The following LARP1B variants were observed in gnomAD, a reference collection of about 807,000 sequenced individuals.
LARP1B encodes La ribonucleoprotein 1B.
In LARP1B, 76 loss-of-function variants were observed where a neutral mutation model predicts 114.2. That is an observed-to-expected ratio of 0.67 (90% confidence interval 0.55 to 0.81). The LOEUF (loss-of-function observed/expected upper bound fraction) is 0.81. Among genes scored for constraint, LARP1B ranks in the 30% least tolerant of loss-of-function variants. LARP1B has a pLI of 0.00. For missense variants in LARP1B, 1,014 were observed against 1,075.8 expected (o/e 0.94, Z 0.80); for synonymous variants, 345 against 348.0 (o/e 0.99, Z 0.10).
In LARP1B at chr4:128,199,520, GCATCCTTCT is replaced by G; in HGVS notation, c.2089_2097del (p.Pro697_His699del). On this transcript the variant is annotated inframe_deletion, in exon 16 of 20. Coordinates refer to ENST00000326639, the MANE Select transcript of LARP1B (RefSeq NM_018078.4). ...CTCCTCATTCATTCCCAAAGTTCCA[GCATCCTTCT>G]CATGAACTTTTGAAGGAAAATGGCT... 1 of 1,603,046 alleles carries G rather than the reference GCATCCTTCT, an allele frequency of 6.2e-7. No homozygotes were observed. Among genetic ancestry groups the G allele is most frequent in the Non-Finnish European group, 8.5e-7 (1 of 1,173,916 alleles).
Position 128,130,731 on chromosome 4 carries a change from G to A in LARP1B, c.1524+8543G>A, listed in dbSNP as rs558807138. Among the ~76,000 whole-genome samples, 86 of 152,336 alleles carry A rather than the reference G, an allele frequency of 5.6e-4. 1 individual carries two copies. The South Asian group carries it at 0.016, about 28-fold the overall frequency. ...GCCACACAATAACCTGAACGTGGAT[G>A]TTTATAGCAGCTTATCCATAAATTG... On this transcript the variant is annotated intron_variant, in intron 11 of 19. Transcript: ENST00000326639.
rs1581102834 is a variant in LARP1B at position 128,156,029 on chromosome 4, C to T, written c.1525-6165C>T. ...CCAGGGCCTGTGCTTGAACCTGCGGCACTGCACACCCCCAAGCTCATGACC... is the reference window on the plus strand; with the variant it reads ...CCAGGGCCTGTGCTTGAACCTGCGGTACTGCACACCCCCAAGCTCATGACC... On this transcript the variant is annotated intron_variant, in intron 11 of 19. Coordinates refer to ENST00000326639, the MANE Select transcript of LARP1B (RefSeq NM_018078.4). The T allele has an allele frequency of 8.9e-6, 14 of 1,573,672 alleles. No homozygotes were observed. The East Asian group carries it at 1.6e-4, about 18-fold the overall frequency.
At chr4:128,170,842 C>G (rs1743230179) in intron 12 of LARP1B, among the ~76,000 whole-genome samples, 1 of 146,446 alleles carries the variant, frequency 6.8e-6, no homozygotes, top group Non-Finnish European at 1.5e-5. Flanking sequence ...TTTAGGTCAA[C>G]CTTTTTATTA....
At chr4:128,176,205 A>C (rs1745961697) in intron 12 of LARP1B, among the ~76,000 whole-genome samples, 1 of 144,082 alleles carries the variant, frequency 6.9e-6, no homozygotes, top group African/African-American at 2.5e-5. Context: ...TTTATATATT[A>C]TATATTTATA....
rs1735594408 is a variant in LARP1B at position 128,156,257 on chromosome 4, C to T, written c.1525-5937C>T. The T allele has an allele frequency of 5.2e-6, 6 of 1,156,434 alleles. No individual in the cohort carries two copies. The Admixed American group carries it at 5.8e-5, about 11-fold the overall frequency. The allele number at this position is 1,156,434 out of a possible 1,614,324, so 71.6% of individuals were successfully genotyped here. A position where few individuals can be genotyped will look rare whatever the true frequency, so the allele number is the denominator to read the frequency against. On this transcript the variant is annotated intron_variant, in intron 11 of 19. Transcript: ENST00000326639. ...GCCACCCTAAGCAACGTCTGCTCCC[C>T]TTCCCCCACCAGTCCAGCTGGCCTG...
intron 11 of LARP1B, chr4:128,123,324 G>A (rs1788586081): frequency 1.0e-6 from 1 of 985,262 alleles, no homozygotes; most frequent in African/African-American, 1.7e-5. Flanking sequence ...ATGCTTCTCA[G>A]TTGAAAGTCT....
In LARP1B at chr4:128,209,831, C is replaced by T. The variant is rs1192741104; in HGVS notation, c.2548-25C>T. ...GGAGGAAAAACAGTAAAATTGTCAA[C>T]GGTGTTGCCTTTCATCATTTGCAGC... On this transcript the variant is annotated intron_variant, in intron 19 of 19. Transcript: ENST00000326639. The T allele has an allele frequency of 3.8e-6, 6 of 1,587,624 alleles. No individual in the cohort carries two copies. In the East Asian group the frequency reaches 9.0e-5, roughly 24 times the overall value.
At chr4:128,067,338 C>G (rs1311778971) in intron 1 of LARP1B, among the ~76,000 whole-genome samples, 1 of 152,132 alleles carries the variant, frequency 6.6e-6, no homozygotes, top group African/African-American at 2.4e-5. Flanking sequence ...CTTGGATTTA[C>G]TGTTACTCTG....
rs75170031 is a variant in LARP1B, at chr4:128,201,261, G to A, written c.2309+596G>A. 5.3e-3 allele frequency among the ~76,000 whole-genome samples: 810 copies of A among 152,274 alleles called. 9 individuals are homozygous for A. Among genetic ancestry groups the A allele is most frequent in the African/African-American group, 0.019 (776 of 41,550 alleles). On this transcript the variant is annotated intron_variant, in intron 17 of 19. Transcript: ENST00000326639. ...AGACCAGTCCTGGTACAGTATAGGAGGGTACTACACAAGGTTGTTAATACC... is the reference window on the plus strand; with the variant it reads ...AGACCAGTCCTGGTACAGTATAGGAAGGTACTACACAAGGTTGTTAATACC...
intron 8 of LARP1B, among the ~76,000 whole-genome samples, chr4:128,103,792 C>T (rs1042542383): frequency 2.0e-5 from 3 of 151,946 alleles, no homozygotes; most frequent in African/African-American, 7.3e-5. Flanking sequence ...GAACTCCTGA[C>T]CTCAGGTGAT....
In LARP1B at chr4:128,091,013, A is replaced by G; in HGVS notation, c.371A>G (p.Asp124Gly). 1 of 1,608,588 alleles carries G rather than the reference A, an allele frequency of 6.2e-7. No homozygotes were observed. Residue 124 changes from aspartate (D) to glycine (G), a missense_variant, in exon 6 of 20, where the codon GAT becomes GGT. Transcript: ENST00000326639. Reference sequence around the variant, plus strand: ...TTATTTTTAAAAGGTTGGAAGCGAGATAGAGAAAAAAGGGATGATCAAGAT... The same window carrying G: ...TTATTTTTAAAAGGTTGGAAGCGAGGTAGAGAAAAAAGGGATGATCAAGAT... ...RRNDTRSWKR[D>G]REKRDDQDDV...
chr4:128,178,415 GT>G lies in LARP1B; in HGVS notation c.1685-10del, dbSNP rs1436837832. ...TCCTAGCATCTAAATAATTTTAAGA[GT>G]TTTTTATTTTGCAGATTTGACTGAT... On this transcript the variant is annotated splice_polypyrimidine_tract_variant and intron_variant, in intron 13 of 19. Coordinates refer to ENST00000326639, the MANE Select transcript of LARP1B (RefSeq NM_018078.4). 3.8e-6 allele frequency: 6 copies of G among 1,568,988 alleles called. No individual in the cohort carries two copies. The highest frequency in any genetic ancestry group is 1.4e-5 in the African/African-American group (1 of 73,432).
At chr4:128,152,305 G>A (rs1044934700) in intron 11 of LARP1B, among the ~76,000 whole-genome samples, 1 of 150,860 alleles carries the variant, frequency 6.6e-6, no homozygotes, top group Non-Finnish European at 1.5e-5. Context: ...CCGGGTTCAA[G>A]CGATTCTCCT....
chr4:128,212,981 C>T (rs769536270), downstream of LARP1B, among the ~76,000 whole-genome samples: 4 of 140,114 alleles, frequency 2.9e-5, no homozygotes, highest in East Asian at 2.1e-4. Context: ...TGCAATGACG[C>T]GATCTCGTCT....
At chr4:128,160,213 T>C (rs1737801286) in intron 11 of LARP1B, among the ~76,000 whole-genome samples, 1 of 152,234 alleles carries the variant, frequency 6.6e-6, no homozygotes, top group African/African-American at 2.4e-5. Flanking sequence ...GGGCCTGTAG[T>C]TTGCTGACCT....
Position 128,091,506 on chromosome 4 carries a change from G to A in LARP1B, c.662G>A (p.Arg221His), listed in dbSNP as rs147779590. 3.4e-4 allele frequency: 537 copies of A among 1,598,270 alleles called. 3 individuals are homozygous for A. In the African/African-American group the frequency reaches 5.6e-3, roughly 17 times the overall value. Residue 221 changes from arginine to histidine, a missense_variant, in exon 7 of 20, where the codon CGT becomes CAT. Transcript: ENST00000326639. Reference protein sequence around the residue: ...EEALLKEYIKRQIEYYFSVEN... With the variant: ...EEALLKEYIKHQIEYYFSVEN... ...GCATTGCTTAAAGAGTATATTAAGC[G>A]TCAAATGTAAGTGGATGTTTGATGT...
At chr4:128,078,033 T>C (rs1274417140) in intron 4 of LARP1B, 71 bp downstream of exon 4, 3 of 1,031,774 alleles carry the variant, frequency 2.9e-6, no homozygotes, top group Non-Finnish European at 4.1e-6. Flanking sequence ...TACATTTCAT[T>C]AACTGATCTC....
At chr4:128,168,953 A>G (rs150030948) in intron 12 of LARP1B, among the ~76,000 whole-genome samples, 5 of 152,228 alleles carry the variant, frequency 3.3e-5, no homozygotes, top group Admixed American at 1.3e-4. Flanking sequence ...AACTATTGGA[A>G]TGTTTTAAAC....
intron 4 of LARP1B, among the ~76,000 whole-genome samples, chr4:128,078,598 CAA>C (rs1004771581): frequency 5.4e-5 from 7 of 129,142 alleles, no homozygotes; most frequent in Admixed American, 7.9e-5. Context: ...AAGACTGTCT[CAA>C]AAAAAAAAAA....
Sources: allele counts gnomAD v4.1 joint callset (sites outside exome capture counted in the v4.1 genomes callset), GRCh38; gene constraint gnomAD v4.1.1; transcripts MANE v1.5; gene names NCBI Gene and HGNC (gene_info 2026-07-23, HGNC 2026-07-21).